Variants in SYN3 observed in about 807,000 individuals in gnomAD.
The protein encoded by SYN3 is synapsin III.
SYN3 carries 35 observed loss-of-function variants against 65.8 expected under a neutral mutation model. The observed-to-expected ratio is 0.53, with a 90% CI of 0.41 to 0.70. The LOEUF is 0.70. Among genes scored for constraint, SYN3 ranks in the 30% least tolerant of loss-of-function variants. SYN3 has a pLI of 0.00. For missense variants in SYN3, 680 were observed against 749.0 expected (o/e 0.91, Z 1.08); for synonymous variants, 270 against 292.9 (o/e 0.92, Z 0.80).
In SYN3 at chr22:32,596,739, G is replaced by A; in HGVS notation, c.712-3C>T. On this transcript the variant is annotated splice_polypyrimidine_tract_variant and splice_region_variant and intron_variant, in intron 6 of 13. Coordinates refer to ENST00000358763, the MANE Select transcript of SYN3 (RefSeq NM_003490.4). ...ACCGGGAAGTGTGGGGCTGTGACCTGAAAGAGACAAGAAGAAGTCACTCTT... is the reference window on the plus strand; with the variant it reads ...ACCGGGAAGTGTGGGGCTGTGACCTAAAAGAGACAAGAAGAAGTCACTCTT... 6.2e-7 allele frequency: 1 copy of A among 1,613,782 alleles called. No individual in the cohort carries two copies. Among genetic ancestry groups the A allele is most frequent in the South Asian group, 1.1e-5 (1 of 90,986 alleles).
chr22:32,648,128 T>C (rs2060010363), intron 6 of SYN3, among the ~76,000 whole-genome samples: 1 of 152,032 alleles, frequency 6.6e-6, no homozygotes, highest in African/African-American at 2.4e-5. Context: ...GCTTCCCAAA[T>C]TGCTGGGATT....
At chr22:32,619,025 C>G (rs2059558826) in intron 6 of SYN3, among the ~76,000 whole-genome samples, 1 of 152,198 alleles carries the variant, frequency 6.6e-6, no homozygotes, top group South Asian at 2.1e-4. Context: ...GTGACCTCCT[C>G]TCTATAGAAT....
chr22:32,535,706 C>T (rs1447768514), intron 9 of SYN3, among the ~76,000 whole-genome samples: 1 of 152,212 alleles, frequency 6.6e-6, no homozygotes, highest in Non-Finnish European at 1.5e-5. Flanking sequence ...GCTGGCTACG[C>T]CCCATAGGGC....
At chr22:32,576,436 C>T (rs1274465381) in intron 7 of SYN3, among the ~76,000 whole-genome samples, 3 of 152,160 alleles carry the variant, frequency 2.0e-5, no homozygotes, top group African/African-American at 4.8e-5. Context: ...AGTAGGAAAA[C>T]GCACATGAAC....
intron 1 of SYN3, among the ~76,000 whole-genome samples, chr22:33,016,527 A>G (rs1307462738): frequency 6.6e-6 from 1 of 152,226 alleles, no homozygotes; most frequent in Non-Finnish European, 1.5e-5. Flanking sequence ...CTCATGGTGC[A>G]CAAGTTTTCC....
intron 6 of SYN3, among the ~76,000 whole-genome samples, chr22:32,734,411 G>A (rs2061310741): frequency 6.6e-6 from 1 of 152,200 alleles, no homozygotes; most frequent in Admixed American, 6.5e-5. Context: ...CTTCACGCAT[G>A]TGACCCGAGG....
chr22:32,615,981 T>C (rs1339609758), intron 6 of SYN3, among the ~76,000 whole-genome samples: 1 of 152,140 alleles, frequency 6.6e-6, no homozygotes, highest in African/African-American at 2.4e-5. Flanking sequence ...AGCTGCAAGA[T>C]CCTCCCTAGG....
chr22:32,877,856 C>T (rs2049023687), intron 4 of SYN3, among the ~76,000 whole-genome samples: 1 of 152,162 alleles, frequency 6.6e-6, no homozygotes. Context: ...GGAATCATCT[C>T]CATTCAGGGA....
chr22:32,897,225 G>A (rs892649583), intron 4 of SYN3, among the ~76,000 whole-genome samples: 6 of 152,168 alleles, frequency 3.9e-5, no homozygotes, highest in African/African-American at 1.4e-4. Flanking sequence ...AGTGCCGGCA[G>A]ACCTGTTGTT....
intron 4 of SYN3, among the ~76,000 whole-genome samples, chr22:32,882,796 G>C (rs1241421646): frequency 1.3e-5 from 2 of 151,840 alleles, no homozygotes; most frequent in Non-Finnish European, 2.9e-5. Context: ...CTATCTATGT[G>C]TAAGATTATT....
At chr22:32,545,567 C>CTT (rs1209391099) in intron 7 of SYN3, among the ~76,000 whole-genome samples, 1 of 150,982 alleles carries the variant, frequency 6.6e-6, no homozygotes, top group Admixed American at 6.6e-5. Context: ...CTCTCTCTCT[C>CTT]TTTTTTTTTG....
At chr22:32,610,689 TCTC>T (rs1368968888) in intron 6 of SYN3, among the ~76,000 whole-genome samples, 3 of 152,106 alleles carry the variant, frequency 2.0e-5, no homozygotes, top group East Asian at 3.9e-4. Flanking sequence ...GTCAAGCAAT[TCTC>T]CTGCCTCAGC....
At chr22:32,838,999 G>A (rs943462586) in intron 6 of SYN3, among the ~76,000 whole-genome samples, 6 of 151,676 alleles carry the variant, frequency 4.0e-5, no homozygotes, top group African/African-American at 1.5e-4. Flanking sequence ...AGCTTGGCCT[G>A]GGGTGGACAG....
At position 32,769,907 on chromosome 22, in the gene SYN3, T is replaced by G. The variant is rs1319829636; in HGVS notation, c.711+95008A>C. 3.3e-5 allele frequency among the ~76,000 whole-genome samples: 5 copies of G among 152,222 alleles called. No individual in the cohort carries two copies. In the East Asian group the frequency reaches 7.7e-4, roughly 23 times the overall value. ...TATTGATCTCATTCAGTCTCATGAC[T>G]AAATATCATCCATGTGTTGACAACT... On this transcript the variant is annotated intron_variant, in intron 6 of 13. Coordinates refer to ENST00000358763, the MANE Select transcript of SYN3 (RefSeq NM_003490.4).
intron 6 of SYN3, among the ~76,000 whole-genome samples, chr22:32,842,637 T>C (rs2047944137): frequency 6.6e-6 from 1 of 152,358 alleles, no homozygotes; most frequent in Admixed American, 6.5e-5. Context: ...TTTGTACATA[T>C]ACATTGTCTC....
At chr22:32,797,728 C>T (rs756798238) in intron 6 of SYN3, among the ~76,000 whole-genome samples, 2 of 152,122 alleles carry the variant, frequency 1.3e-5, no homozygotes, top group Non-Finnish European at 2.9e-5. Flanking sequence ...GTGTTCGTTG[C>T]GAAACTGATG....
chr22:32,678,540 C>A (rs1202505255), intron 6 of SYN3, among the ~76,000 whole-genome samples: 1 of 151,698 alleles, frequency 6.6e-6, no homozygotes, highest in Non-Finnish European at 1.5e-5. Context: ...CCTTCCTCCT[C>A]CTCCTCCTCC....
intron 6 of SYN3, among the ~76,000 whole-genome samples, chr22:32,756,909 T>C (rs1280515763): frequency 1.3e-5 from 2 of 152,226 alleles, no homozygotes; most frequent in Non-Finnish European, 2.9e-5. Flanking sequence ...CCAACTGAAA[T>C]GTTTCATTAA....
intron 12 of SYN3, among the ~76,000 whole-genome samples, chr22:32,518,653 G>C (rs1435750976): frequency 1.3e-5 from 2 of 151,996 alleles, no homozygotes; most frequent in Admixed American, 6.5e-5. Flanking sequence ...GTTTTATTTT[G>C]GCACATATGT....
Sources: gnomAD v4.1 joint callset for allele counts (sites outside exome capture counted in the v4.1 genomes callset) on GRCh38, gnomAD v4.1.1 for gene constraint, MANE v1.5 for transcripts, NCBI Gene and HGNC (gene_info 2026-07-23, HGNC 2026-07-21) for gene names.